Variants in RBFOX1 observed in about 807,000 individuals in gnomAD.
The protein encoded by RBFOX1 is RNA binding fox-1 homolog 1.
A neutral mutation model predicts 57.7 loss-of-function variants in RBFOX1; 8 were observed. That is an observed-to-expected ratio of 0.14 (90% CI 0.08 to 0.25). The LOEUF is 0.25. Ranked by LOEUF, RBFOX1 falls within the 10% of genes least tolerant of loss-of-function variation. RBFOX1 has a pLI of 1.00. For missense variants in RBFOX1, 611 were observed against 548.5 expected, an observed-to-expected ratio of 1.11 and a Z score of -1.14; for synonymous variants, 326 against 222.4, an observed-to-expected ratio of 1.47 and a Z score of -4.15.
intron 4 of RBFOX1, among the ~76,000 whole-genome samples, chr16:5,873,616 G>A (rs1179923632): frequency 6.6e-6 from 1 of 152,196 alleles, no homozygotes; most frequent in African/African-American, 2.4e-5. Flanking sequence ...GGGAATACGT[G>A]TACAAAGTTG....
At chr16:7,246,327 C>G (rs1255929298) in intron 4 of RBFOX1, among the ~76,000 whole-genome samples, 2 of 152,180 alleles carry the variant, frequency 1.3e-5, no homozygotes, top group Non-Finnish European at 2.9e-5. Context: ...GATTCCCTGT[C>G]TCCGTCCTTG....
intron 4 of RBFOX1, among the ~76,000 whole-genome samples, chr16:6,010,115 G>A (rs1275237323): frequency 3.9e-5 from 6 of 152,184 alleles, no homozygotes; most frequent in Non-Finnish European, 7.4e-5. Context: ...TACTGAGGGT[G>A]CTGTGTTGCC....
intron 2 of RBFOX1, among the ~76,000 whole-genome samples, chr16:6,374,084 A>G (rs1018837481): frequency 3.4e-4 from 52 of 152,130 alleles, no homozygotes; most frequent in Admixed American, 3.4e-3. Context: ...TATCTGCCCT[A>G]TTTACCTTTT....
At chr16:7,442,461 T>C (rs970651870) in intron 4 of RBFOX1, among the ~76,000 whole-genome samples, 7 of 152,094 alleles carry the variant, frequency 4.6e-5, no homozygotes, top group Non-Finnish European at 1.5e-5. Context: ...TTAGAAGCCC[T>C]GTGTCTCAGG....
At chr16:7,409,720 G>A (rs1389912148) in intron 4 of RBFOX1, among the ~76,000 whole-genome samples, 1 of 152,162 alleles carries the variant, frequency 6.6e-6, no homozygotes, top group African/African-American at 2.4e-5. Context: ...GATTTCGTTG[G>A]AAGTTAGATT....
intron 4 of RBFOX1, among the ~76,000 whole-genome samples, chr16:7,219,318 A>C (rs1404861089): frequency 6.6e-6 from 1 of 152,210 alleles, no homozygotes; most frequent in Non-Finnish European, 1.5e-5. Flanking sequence ...ATAAATAGAG[A>C]TGCTTTTAAT....
chr16:6,377,948 C>T (rs1429953510), intron 2 of RBFOX1, among the ~76,000 whole-genome samples: 2 of 152,194 alleles, frequency 1.3e-5, no homozygotes, highest in Admixed American at 6.5e-5. Context: ...TGATCCCAGG[C>T]ATGTCCTGTG....
intron 3 of RBFOX1, among the ~76,000 whole-genome samples, chr16:6,904,249 G>C (rs2069197298): frequency 6.6e-6 from 1 of 151,966 alleles, no homozygotes; most frequent in African/African-American, 2.4e-5. Flanking sequence ...GTCATTTGCA[G>C]GGACTTCTGT....
intron 4 of RBFOX1, among the ~76,000 whole-genome samples, chr16:7,350,458 A>G (rs2097108028): frequency 6.6e-6 from 1 of 152,228 alleles, no homozygotes; most frequent in East Asian, 1.9e-4. Context: ...CATTGCAGGC[A>G]GTTTAGATTT....
chr16:5,683,166 G>T (rs1217055791), intron 3 of RBFOX1, among the ~76,000 whole-genome samples: 1 of 151,684 alleles, frequency 6.6e-6, no homozygotes, highest in Non-Finnish European at 1.5e-5. Flanking sequence ...GGTGGGGGGT[G>T]GGGGCGCCAG....
intron 13 of RBFOX1, chr16:7,671,733 G>C (rs1019374850): frequency 1.1e-5 from 9 of 796,306 alleles, no homozygotes; most frequent in Non-Finnish European, 1.9e-5. Flanking sequence ...GAATTTTCCA[G>C]TTTTAATATG....
At chr16:7,380,893 G>T (rs1029215879) in intron 4 of RBFOX1, among the ~76,000 whole-genome samples, 2 of 152,146 alleles carry the variant, frequency 1.3e-5, no homozygotes, top group African/African-American at 4.8e-5. Context: ...AGAATCGCAG[G>T]CTTTTTAAAT....
chr16:5,391,942 C>G (rs1437530852), intron 1 of RBFOX1, among the ~76,000 whole-genome samples: 1 of 151,476 alleles, frequency 6.6e-6, no homozygotes. Flanking sequence ...CAATGGAATA[C>G]TACTCAGCCA....
intron 1 of RBFOX1, among the ~76,000 whole-genome samples, chr16:5,244,755 C>T (rs764801192): frequency 5.3e-5 from 8 of 152,164 alleles, no homozygotes; most frequent in Non-Finnish European, 8.8e-5. Context: ...CCCCTTTGGC[C>T]GAAAGTGCTG....
intron 13 of RBFOX1, among the ~76,000 whole-genome samples, chr16:7,672,495 G>A (rs1033094470): frequency 2.0e-5 from 3 of 152,140 alleles, no homozygotes; most frequent in Admixed American, 6.5e-5. Flanking sequence ...AGAGCAATAT[G>A]GTTAAAATTC....
At chr16:6,334,285 A>G (rs1330954917) in intron 2 of RBFOX1, among the ~76,000 whole-genome samples, 1 of 152,058 alleles carries the variant, frequency 6.6e-6, no homozygotes, top group Non-Finnish European at 1.5e-5. Flanking sequence ...AGGTGGGCAG[A>G]TTTCCTGAGC....
At chr16:5,363,364 G>T (rs1050818972) in intron 1 of RBFOX1, among the ~76,000 whole-genome samples, 2 of 152,134 alleles carry the variant, frequency 1.3e-5, no homozygotes, top group Admixed American at 1.3e-4. Flanking sequence ...TAAATATTTG[G>T]AAGTGGGATT....
At chr16:7,070,048 T>A (rs1164388872) in intron 4 of RBFOX1, among the ~76,000 whole-genome samples, 1 of 152,186 alleles carries the variant, frequency 6.6e-6, no homozygotes. Flanking sequence ...CTCCTCCTCT[T>A]TTTCCTCTCT....
chr16:6,631,310 A>G (rs376831335), intron 2 of RBFOX1, among the ~76,000 whole-genome samples: 161 of 152,194 alleles, frequency 1.1e-3, no homozygotes, highest in African/African-American at 3.7e-3. Context: ...AGAGACAGAG[A>G]TGCATTTTAA....
Sources: gnomAD v4.1 joint callset for allele counts (sites outside exome capture counted in the v4.1 genomes callset) on GRCh38, gnomAD v4.1.1 for gene constraint, MANE v1.5 for transcripts, NCBI Gene and HGNC (gene_info 2026-07-23, HGNC 2026-07-21) for gene names.